Variants in GNL3L observed in about 807,000 individuals in gnomAD.
The protein encoded by GNL3L is guanine nucleotide-binding protein-like 3-like protein.
A neutral mutation model predicts 42.9 loss-of-function variants in GNL3L; 4 were observed. The observed-to-expected ratio is 0.09, with a 90% CI of 0.05 to 0.21. The LOEUF is 0.21. Ranked by LOEUF, GNL3L falls within the 10% of genes least tolerant of loss-of-function variation. The probability of loss-of-function intolerance (pLI) is 1.00; values close to 1 mark genes in which losing one functional copy is unlikely to be tolerated. For synonymous variants in GNL3L, 159 were observed against 176.3 expected (o/e 0.90, Z 0.78); for missense variants, 412 against 481.7 (o/e 0.86, Z 1.36).
chrX:54,616,196 C>A (rs750269469), intron 16 of GNL3L, among the ~76,000 whole-genome samples: 12 of 113,007 alleles, frequency 1.1e-4, no homozygotes, highest in Non-Finnish European at 1.9e-4. Context: ...GCAGTGCCCG[C>A]CATATGGGCG....
intron 1 of GNL3L, among the ~76,000 whole-genome samples, chrX:54,530,672 G>T (rs1273675498): frequency 1.8e-5 from 2 of 111,753 alleles, no homozygotes; most frequent in Non-Finnish European, 3.8e-5. Context: ...GTATAGACAG[G>T]AGTCGACCCA....
chrX:54,539,917 T>G (rs189281630), intron 3 of GNL3L, among the ~76,000 whole-genome samples: 3 of 111,685 alleles, frequency 2.7e-5, no homozygotes, highest in African/African-American at 9.8e-5. Context: ...CCCTTTTTGC[T>G]TCTCTCCTTT....
Position 54,562,491 on chromosome X carries a change from G to A in GNL3L, c.*1889G>A, listed in dbSNP as rs1296660214. On this transcript the variant is annotated 3_prime_UTR_variant, in exon 16 of 16. Transcript: ENST00000360845. ...GGCAGGGAAGTACAAGACCACTCTT[G>A]TATTCAGGGGCAACCAAAGGAGAGA... Among the ~76,000 whole-genome samples the A allele has an allele frequency of 5.4e-5, 6 of 111,625 alleles. No homozygotes were observed. Among genetic ancestry groups the A allele is most frequent in the Middle Eastern group, 4.6e-3 (1 of 217 alleles).
chrX:54,623,544 C>G (rs764223325), downstream of GNL3L, among the ~76,000 whole-genome samples: 1 of 111,886 alleles, frequency 8.9e-6, no homozygotes, highest in African/African-American at 3.3e-5. Context: ...ACTACAGGCG[C>G]GCGCCACTGT....
At chrX:54,558,713 G>GTT in intron 15 of GNL3L, 58 bp downstream of exon 15, 100 of 780,063 alleles carry the variant, frequency 1.3e-4, no homozygotes, top group Non-Finnish European at 1.6e-4. Context: ...ATCTTTTTTT[G>GTT]TTTTTTTTTT....
chrX:54,592,489 T>C (rs1172993030), intron 16 of GNL3L, among the ~76,000 whole-genome samples: 1 of 111,874 alleles, frequency 8.9e-6, no homozygotes, highest in Non-Finnish European at 1.9e-5. Context: ...GTTCCTTCTA[T>C]ACCCAATTTT....
chrX:54,627,252 G>A, the GNL3L span, among the ~76,000 whole-genome samples: 3 of 111,719 alleles, frequency 2.7e-5, no homozygotes, highest in Non-Finnish European at 3.8e-5. Context: ...CAAGTGATCC[G>A]TCCACTTTGG....
the GNL3L span, among the ~76,000 whole-genome samples, chrX:54,636,199 A>T: frequency 8.9e-6 from 1 of 112,124 alleles, no homozygotes; most frequent in Non-Finnish European, 1.9e-5. Flanking sequence ...TACATACACA[A>T]CAATATGCAA....
At chrX:54,640,675 G>T in the GNL3L span, among the ~76,000 whole-genome samples, 1 of 112,124 alleles carries the variant, frequency 8.9e-6, no homozygotes, top group African/African-American at 3.2e-5. Context: ...TTTAGGAGCA[G>T]AATTACCAGG....
intron 16 of GNL3L, among the ~76,000 whole-genome samples, chrX:54,608,321 T>G (rs1168114982): frequency 8.9e-6 from 1 of 111,873 alleles, no homozygotes; most frequent in East Asian, 2.8e-4. Context: ...TGAGGTGAAA[T>G]TCACATAACC....
downstream of GNL3L, among the ~76,000 whole-genome samples, chrX:54,568,755 G>T (rs995320796): frequency 4.5e-5 from 5 of 110,966 alleles, no homozygotes; most frequent in Admixed American, 4.8e-4. Flanking sequence ...GGGTTTCACC[G>T]TGTTGGCCAG....
At chrX:54,542,416 A>C (rs1208149907) in intron 5 of GNL3L, among the ~76,000 whole-genome samples, 1 of 110,909 alleles carries the variant, frequency 9.0e-6, no homozygotes, top group Non-Finnish European at 1.9e-5. Context: ...GTCCCTACAA[A>C]GGACATGAAC....
intron 16 of GNL3L, among the ~76,000 whole-genome samples, chrX:54,612,754 G>T (rs1178172737): frequency 1.8e-5 from 2 of 111,471 alleles, no homozygotes; most frequent in Non-Finnish European, 3.8e-5. Flanking sequence ...TGAAGATAGG[G>T]CCCCAATCCC....
intron 16 of GNL3L, among the ~76,000 whole-genome samples, chrX:54,572,569 C>A (rs1204576709): frequency 4.5e-5 from 5 of 110,991 alleles, no homozygotes; most frequent in Non-Finnish European, 9.5e-5. Context: ...TCCTCACTTC[C>A]CAGTAGGGGC....
chrX:54,618,836 A>T (rs888575728), intron 16 of GNL3L, among the ~76,000 whole-genome samples: 24 of 112,075 alleles, frequency 2.1e-4, no homozygotes, highest in African/African-American at 7.8e-4. Context: ...GTTCAAGTCC[A>T]TAGTGAGCTA....
At chrX:54,534,178 G>GTT (rs61357185) in intron 2 of GNL3L, among the ~76,000 whole-genome samples, 3 of 97,163 alleles carry the variant, frequency 3.1e-5, no homozygotes, top group Non-Finnish European at 4.1e-5. Context: ...ACCACACCTG[G>GTT]TTTTTTTTTT....
the GNL3L span, among the ~76,000 whole-genome samples, chrX:54,627,522 A>G: frequency 2.8e-5 from 3 of 108,265 alleles, no homozygotes; most frequent in Non-Finnish European, 3.8e-5. Context: ...TCCTGTTCTG[A>G]TCTTTATTAT....
At chrX:54,607,072 C>CTTTCT (rs1231481886) in intron 16 of GNL3L, among the ~76,000 whole-genome samples, 10 of 22,815 alleles carry the variant, frequency 4.4e-4, no homozygotes, top group East Asian at 1.1e-3. Flanking sequence ...TTCTTTCTTT[C>CTTTCT]TCTTTCTTTC....
At chrX:54,573,672 A>G (rs949163282) in intron 16 of GNL3L, among the ~76,000 whole-genome samples, 4 of 111,558 alleles carry the variant, frequency 3.6e-5, no homozygotes, top group Non-Finnish European at 7.5e-5. Flanking sequence ...CAGACATTGT[A>G]GTTTTCATCT....
Sources: allele counts gnomAD v4.1 joint callset (sites outside exome capture counted in the v4.1 genomes callset), GRCh38; gene constraint gnomAD v4.1.1; transcripts MANE v1.5; gene names NCBI Gene and HGNC (gene_info 2026-07-23, HGNC 2026-07-21).